MGAT5: variants seen among roughly 807,000 people sequenced by gnomAD.
MGAT5 encodes alpha-1,6-mannosylglycoprotein 6-beta-N-acetylglucosaminyltransferase.
A neutral mutation model predicts 94.3 loss-of-function variants in MGAT5; 30 were observed. That is an observed-to-expected ratio of 0.32 (90% CI 0.24 to 0.43). The LOEUF (loss-of-function observed/expected upper bound fraction) is 0.43. Ranked by LOEUF, MGAT5 falls within the 20% of genes least tolerant of loss-of-function variation. The pLI is 1.00. For synonymous variants in MGAT5, 310 were observed against 322.9 expected (o/e 0.96, Z 0.43); for missense variants, 691 against 905.5 (o/e 0.76, Z 3.04).
intron 4 of MGAT5, among the ~76,000 whole-genome samples, chr2:134,334,731 T>TC (rs1688235663): frequency 6.6e-6 from 1 of 152,114 alleles, no homozygotes; most frequent in Non-Finnish European, 1.5e-5. Context: ...GCAGGCTTTT[T>TC]CTCTGCTGTT....
chr2:134,338,856 G>GA (rs563670837), intron 6 of MGAT5, among the ~76,000 whole-genome samples: 3,505 of 151,856 alleles, frequency 0.023, 134 homozygotes, highest in African/African-American at 0.077. Flanking sequence ...ATGCCCGTAG[G>GA]GGAGAGAGAG....
intron 1 of MGAT5, among the ~76,000 whole-genome samples, chr2:134,173,591 T>C (rs1399240882): frequency 6.6e-6 from 1 of 152,244 alleles, no homozygotes; most frequent in Non-Finnish European, 1.5e-5. Context: ...TGTGTCTTTC[T>C]GCCACTAAAT....
chr2:134,405,621 G>T (rs1683289789), intron 11 of MGAT5, among the ~76,000 whole-genome samples: 1 of 152,242 alleles, frequency 6.6e-6, no homozygotes, highest in Non-Finnish European at 1.5e-5. Flanking sequence ...AACTGGAGCA[G>T]CCGAGAAGCA....
At chr2:134,224,411 T>C (rs1305906338) in intron 1 of MGAT5, among the ~76,000 whole-genome samples, 1 of 152,186 alleles carries the variant, frequency 6.6e-6, no homozygotes, top group Admixed American at 6.5e-5. Context: ...ATATAGTCAA[T>C]GAAACACCTA....
chr2:134,152,901 T>TA (rs1687292861), intron 1 of MGAT5, among the ~76,000 whole-genome samples: 1 of 95,760 alleles, frequency 1.0e-5, no homozygotes. Flanking sequence ...GGAGTCCACT[T>TA]TTTTTTTTTT....
At chr2:134,171,346 G>A (rs1688198510) in intron 1 of MGAT5, among the ~76,000 whole-genome samples, 1 of 152,140 alleles carries the variant, frequency 6.6e-6, no homozygotes, top group African/African-American at 2.4e-5. Flanking sequence ...ATTTGGGACT[G>A]TGTGTATATA....
At chr2:134,152,133 T>C (rs1439457615) in intron 1 of MGAT5, among the ~76,000 whole-genome samples, 7 of 70,632 alleles carry the variant, frequency 9.9e-5, no homozygotes, top group Admixed American at 3.2e-4. Context: ...CACTCACTCA[T>C]CCCCTCTGGG....
At chr2:134,155,114 G>T (rs1046675223) in intron 1 of MGAT5, among the ~76,000 whole-genome samples, 1 of 152,198 alleles carries the variant, frequency 6.6e-6, no homozygotes, top group Non-Finnish European at 1.5e-5. Flanking sequence ...CGCAAACTTT[G>T]TTCATGGTCA....
intron 1 of MGAT5, among the ~76,000 whole-genome samples, chr2:134,151,132 A>G (rs962288277): frequency 6.6e-6 from 1 of 151,802 alleles, no homozygotes; most frequent in African/African-American, 2.4e-5. Context: ...GTGACATCCC[A>G]CTCACCGCCA....
intron 1 of MGAT5, among the ~76,000 whole-genome samples, chr2:134,131,572 A>ATTTTTT (rs10617178): frequency 2.3e-5 from 2 of 85,232 alleles, no homozygotes; most frequent in Admixed American, 1.3e-4. Flanking sequence ...TGGTAGATTG[A>ATTTTTT]TTTTTTTTTT....
Position 134,343,861 on chromosome 2 carries a change from G to T in MGAT5, c.978-1069G>T, listed in dbSNP as rs770071998. Among the ~76,000 whole-genome samples the T allele has an allele frequency of 4.6e-5, 7 of 151,848 alleles. 1 individual carries two copies. Among genetic ancestry groups the T allele is most frequent in the Non-Finnish European group, 8.8e-5 (6 of 67,980 alleles). ...TCTTCATTCCACAACGGGAGAATGG[G>T]CCAGTTGTGACTGAAAATGTATGGC... On this transcript the variant is annotated intron_variant, in intron 7 of 15. Transcript: ENST00000281923.
At chr2:134,352,395 T>A (rs1028224388) in intron 9 of MGAT5, among the ~76,000 whole-genome samples, 2 of 152,152 alleles carry the variant, frequency 1.3e-5, no homozygotes, top group African/African-American at 4.8e-5. Flanking sequence ...AGGCTTTCAT[T>A]CTAGGAGGGG....
rs948463393 is a variant in MGAT5, at chr2:134,450,536, T to C, written c.*1689T>C. On this transcript the variant is annotated 3_prime_UTR_variant, in exon 16 of 16. Coordinates refer to ENST00000281923, the MANE Select transcript of MGAT5 (RefSeq NM_002410.5). ...TACACAAATGTGCAGCCAGCCTTTT[T>C]TCTTAGGCCCACTGAGATCCCTGCT... is the stretch of plus-strand genomic sequence containing the variant. 2.6e-5 allele frequency: 4 copies of C among 152,354 alleles called. No homozygotes were observed. The highest frequency in any genetic ancestry group is 9.6e-5 in the African/African-American group (4 of 41,574). 9.4% of individuals were successfully genotyped at this position (152,354 alleles called of 1,614,324 possible). A position where few individuals can be genotyped will look rare whatever the true frequency, so the allele number is the denominator to read the frequency against.
chr2:134,446,344 G>A (rs1292819843), intron 15 of MGAT5, among the ~76,000 whole-genome samples: 1 of 152,032 alleles, frequency 6.6e-6, no homozygotes, highest in African/African-American at 2.4e-5. Flanking sequence ...TCGCCATGGG[G>A]TCTGAGAGTC....
intron 1 of MGAT5, among the ~76,000 whole-genome samples, chr2:134,182,268 G>C (rs1257215): frequency 6.6e-6 from 1 of 152,182 alleles, no homozygotes; most frequent in African/African-American, 2.4e-5. Flanking sequence ...GATCTGACCT[G>C]TTGTCATCTA....
chr2:134,157,588 T>TG (rs1234284109), intron 1 of MGAT5, among the ~76,000 whole-genome samples: 1 of 152,056 alleles, frequency 6.6e-6, no homozygotes, highest in African/African-American at 2.4e-5. Flanking sequence ...CTGGTGGTTG[T>TG]GGGGGATGGT....
chr2:134,357,767 C>A (rs1189258915), intron 9 of MGAT5, among the ~76,000 whole-genome samples: 3 of 152,054 alleles, frequency 2.0e-5, no homozygotes, highest in Non-Finnish European at 1.5e-5. Flanking sequence ...CCCTGAGGTG[C>A]CTTTTGTCAA....
chr2:134,173,306 G>T (rs1688309991), intron 1 of MGAT5, among the ~76,000 whole-genome samples: 1 of 152,202 alleles, frequency 6.6e-6, no homozygotes, highest in South Asian at 2.1e-4. Context: ...AACTGGTTTA[G>T]TGCTGCCAGG....
chr2:134,346,928 A>G (rs1271523185), intron 8 of MGAT5, among the ~76,000 whole-genome samples: 1 of 152,146 alleles, frequency 6.6e-6, no homozygotes, highest in Admixed American at 6.5e-5. Context: ...GAGCTCCTGA[A>G]CATCCATTTC....
Sources: gnomAD v4.1 joint callset for allele counts (sites outside exome capture counted in the v4.1 genomes callset) on GRCh38, gnomAD v4.1.1 for gene constraint, MANE v1.5 for transcripts, NCBI Gene and HGNC (gene_info 2026-07-23, HGNC 2026-07-21) for gene names.